The following CLIP4 variants were observed in gnomAD, a reference collection of about 807,000 sequenced individuals.
CLIP4 encodes the protein CAP-Gly domain-containing linker protein 4.
Under a neutral mutation model 73.1 loss-of-function variants are expected in CLIP4, and 47 were observed. The observed-to-expected ratio is 0.64, with a 90% CI of 0.51 to 0.82. The LOEUF is 0.82. Among genes scored for constraint, CLIP4 ranks in the 40% least tolerant of loss-of-function variants. CLIP4 has a pLI of 0.00. For synonymous variants in CLIP4, 306 were observed against 295.4 expected (o/e 1.04, Z -0.37); for missense variants, 874 against 852.9 (o/e 1.02, Z -0.31).
At chr2:29,166,598 T>C (rs1048397621) in intron 13 of CLIP4, among the ~76,000 whole-genome samples, 3 of 151,978 alleles carry the variant, frequency 2.0e-5, no homozygotes, top group African/African-American at 7.3e-5. Context: ...ATATTCACTT[T>C]CTTAGTTCTT....
At chr2:29,177,129 C>G (rs1668391198) in intron 15 of CLIP4, among the ~76,000 whole-genome samples, 1 of 152,084 alleles carries the variant, frequency 6.6e-6, no homozygotes, top group South Asian at 2.1e-4. Flanking sequence ...AACAGTTTGG[C>G]CAGGCACAGT....
chr2:29,126,375 TC>T, intron 2 of CLIP4, among the ~76,000 whole-genome samples: 1 of 152,330 alleles, frequency 6.6e-6, no homozygotes, highest in East Asian at 1.9e-4. Flanking sequence ...CCTGACTCAA[TC>T]ACTTTCCAGT....
rs779241531 is a variant in CLIP4 at position 29,135,586 on chromosome 2, G to C, written c.568G>C (p.Ala190Pro). 2 of 1,610,462 alleles carry C rather than the reference G, an allele frequency of 1.2e-6. No homozygotes were observed. Among genetic ancestry groups the C allele is most frequent in the Non-Finnish European group, 1.7e-6 (2 of 1,178,670 alleles). The change falls in exon 6 of 16, where the codon GCT becomes CCT. Residue 190 changes from alanine (A) to proline (P), a missense_variant. Transcript: ENST00000320081. The stretch of plus-strand genomic sequence containing the variant: ...TTGCAGTGATTTTAATTTTGGAACA[G>C]CTTTGCATATTGCAGCATACAACTT... ...ATCSDFNFGT[A>P]LHIAAYNLCA...
intron 1 of CLIP4, among the ~76,000 whole-genome samples, chr2:29,107,362 T>TTTTTTG (rs70958243): frequency 0.011 from 835 of 74,988 alleles, 30 homozygotes; most frequent in African/African-American, 0.015. Flanking sequence ...ATGATAGTTT[T>TTTTTTG]TTTTTTTTTT....
intron 9 of CLIP4, among the ~76,000 whole-genome samples, chr2:29,153,072 A>G (rs536505647): frequency 3.3e-5 from 5 of 152,208 alleles, no homozygotes; most frequent in East Asian, 1.9e-4. Context: ...CACATAATCT[A>G]TCCTCAAGGC....
intron 14 of CLIP4, 140 bp downstream of exon 14, chr2:29,167,680 G>A (rs1191122466): frequency 1.8e-6 from 1 of 540,698 alleles, no homozygotes; most frequent in Non-Finnish European, 3.1e-6. Flanking sequence ...ACAAACATCT[G>A]TTACCTGTCC....
intron 15 of CLIP4, among the ~76,000 whole-genome samples, chr2:29,177,716 C>T (rs932400912): frequency 8.5e-5 from 13 of 152,190 alleles, no homozygotes; most frequent in African/African-American, 2.9e-4. Context: ...GGAGAAGAGA[C>T]GTCTTCCTCT....
At chr2:29,181,074 C>T (rs1668618166) in intron 15 of CLIP4, among the ~76,000 whole-genome samples, 1 of 152,122 alleles carries the variant, frequency 6.6e-6, no homozygotes, top group African/African-American at 2.4e-5. Flanking sequence ...AACTTAACTA[C>T]TGATAGCCTA....
rs574953247 is a variant in CLIP4, at chr2:29,165,491, C to G, written c.1658+1537C>G. ...GATTTGAACCCAGGTAGTCTAGTAT[C>G]AGCATGTGTGCCCTTAACCGTAACC... is the stretch of plus-strand genomic sequence containing the variant. On this transcript the variant is annotated intron_variant, in intron 13 of 15. Transcript: ENST00000320081. 2.6e-5 allele frequency among the ~76,000 whole-genome samples: 4 copies of G among 152,302 alleles called. No individual in the cohort carries two copies. In the East Asian group the frequency reaches 7.7e-4, roughly 29 times the overall value.
At chr2:29,147,515 A>T (rs1558549642) in intron 8 of CLIP4, among the ~76,000 whole-genome samples, 1 of 152,128 alleles carries the variant, frequency 6.6e-6, no homozygotes, top group African/African-American at 2.4e-5. Flanking sequence ...TCTAAGGATT[A>T]TACATTTTAT....
chr2:29,152,902 T>A (rs1205108670), intron 9 of CLIP4, 74 bp downstream of exon 9: 2 of 1,517,518 alleles, frequency 1.3e-6, no homozygotes, highest in East Asian at 4.6e-5. Flanking sequence ...ATATTTAGAT[T>A]GCTTCACTTT....
At chr2:29,174,491 G>A (rs1558585553) in intron 15 of CLIP4, 46 bp downstream of exon 15, 1 of 1,589,488 alleles carries the variant, frequency 6.3e-7, no homozygotes, top group Non-Finnish European at 8.5e-7. Context: ...AGATGAACAT[G>A]ATGGGATTCT....
At chr2:29,167,878 GT>G (rs1667731174) in intron 14 of CLIP4, 1 of 177,254 alleles carries the variant, frequency 5.6e-6, no homozygotes, top group Non-Finnish European at 1.2e-5. Flanking sequence ...TATGTGTTCA[GT>G]TTTGTTTGTT....
intron 5 of CLIP4, 85 bp downstream of exon 5, chr2:29,133,901 C>A (rs898241744): frequency 8.3e-7 from 1 of 1,211,684 alleles, no homozygotes. Flanking sequence ...GATATTTTTT[C>A]CTTCTAATCC....
intron 1 of CLIP4, among the ~76,000 whole-genome samples, chr2:29,101,140 A>C (rs754313972): frequency 6.6e-6 from 1 of 152,090 alleles, no homozygotes; most frequent in Non-Finnish European, 1.5e-5. Flanking sequence ...AAATACAAAA[A>C]TTAGCCAGGC....
chr2:29,107,358 G>GTTTTTTTTTGTTTTTTTTT (rs1558504865), intron 1 of CLIP4, among the ~76,000 whole-genome samples: 1 of 65,360 alleles, frequency 1.5e-5, no homozygotes, highest in Non-Finnish European at 3.0e-5. Flanking sequence ...GAACATGATA[G>GTTTTTTTTTGTTTTTTTTT]TTTTTTTTTT....
chr2:29,143,787 A>C lies in CLIP4; in HGVS notation c.727A>C (p.Thr243Pro). ...MPLEMADAAATAKEIKQMLLD... is the reference protein window; with the variant it reads ...MPLEMADAAAPAKEIKQMLLD... ...GTTAGAGATGGCTGACGCCGCAGCC[A>C]CTGCTAAGGAAATCAAGCAGATGCT... The change falls in exon 7 of 16, where the codon ACT becomes CCT. Residue 243 changes from threonine to proline, a missense_variant. Transcript: ENST00000320081. The C allele has an allele frequency of 6.2e-7, 1 of 1,614,124 alleles. No individual in the cohort carries two copies. Among genetic ancestry groups the C allele is most frequent in the Non-Finnish European group, 8.5e-7 (1 of 1,179,962 alleles).
chr2:29,119,666 T>C (rs1664123803), intron 1 of CLIP4, among the ~76,000 whole-genome samples: 1 of 152,200 alleles, frequency 6.6e-6, no homozygotes, highest in Non-Finnish European at 1.5e-5. Flanking sequence ...AGTACAGCCC[T>C]AAAAAGCCCT....
chr2:29,167,392 T>C (rs1667690955), intron 13 of CLIP4, 84 bp from the exon 14 acceptor site: 2 of 828,488 alleles, frequency 2.4e-6, no homozygotes, highest in East Asian at 2.7e-5. Context: ...ATGACTACAA[T>C]TGGTGTGAAA....
Sources: gnomAD v4.1 joint callset for allele counts (sites outside exome capture counted in the v4.1 genomes callset) on GRCh38, gnomAD v4.1.1 for gene constraint, MANE v1.5 for transcripts, NCBI Gene and HGNC (gene_info 2026-07-23, HGNC 2026-07-21) for gene names.